The following TRIM36 variants were observed in gnomAD, a reference collection of about 807,000 sequenced individuals.
TRIM36 encodes the protein E3 ubiquitin-protein ligase TRIM36.
A neutral mutation model predicts 72.4 loss-of-function variants in TRIM36; 42 were observed. That is an observed-to-expected ratio of 0.58 (90% confidence interval 0.45 to 0.75). TRIM36 has a LOEUF of 0.75. Among genes scored for constraint, TRIM36 ranks in the 30% least tolerant of loss-of-function variants. The probability of loss-of-function intolerance (pLI) is 0.00; values close to 1 mark genes in which losing one functional copy is unlikely to be tolerated. For missense variants in TRIM36, 913 were observed against 857.1 expected (o/e 1.07, Z -0.81); for synonymous variants, 315 against 282.8 (o/e 1.11, Z -1.14).
At chr5:115,163,935 C>T (rs762567959) in intron 1 of TRIM36, among the ~76,000 whole-genome samples, 183 bp from the exon 2 acceptor site, 1 of 152,052 alleles carries the variant, frequency 6.6e-6, no homozygotes, top group South Asian at 2.1e-4. Flanking sequence ...ACACCCATAA[C>T]CCAGAACTGA....
chr5:115,171,100 C>T, upstream of TRIM36: 2 of 1,614,180 alleles, frequency 1.2e-6, no homozygotes, highest in Admixed American at 1.7e-5. Context: ...CGAGACATCT[C>T]GTTTAGGTTT....
At chr5:115,170,664 C>T (rs539019949), upstream of TRIM36, among the ~76,000 whole-genome samples, 2 of 152,354 alleles carry the variant, frequency 1.3e-5, no homozygotes, top group African/African-American at 4.8e-5. Context: ...GCGATGTCAC[C>T]GCACGTTCTT....
upstream of TRIM36, among the ~76,000 whole-genome samples, chr5:115,170,777 C>G (rs1176686652): frequency 6.6e-6 from 1 of 152,244 alleles, no homozygotes; most frequent in East Asian, 1.9e-4. Context: ...CCCCCCGCCA[C>G]CCGGGCCTAC....
chr5:115,174,643 C>T (rs1755256576), upstream of TRIM36, among the ~76,000 whole-genome samples: 1 of 152,188 alleles, frequency 6.6e-6, no homozygotes. Context: ...CCTCATCTTT[C>T]AAGTTGCACT....
chr5:115,170,406 C>T (rs1381847268), upstream of TRIM36, among the ~76,000 whole-genome samples: 1 of 152,182 alleles, frequency 6.6e-6, no homozygotes, highest in African/African-American at 2.4e-5. Flanking sequence ...CAGGACGGTG[C>T]GGGCGAGGGC....
At chr5:115,168,784 C>G (rs903207766) in intron 1 of TRIM36, among the ~76,000 whole-genome samples, 6 of 152,198 alleles carry the variant, frequency 3.9e-5, no homozygotes, top group Admixed American at 1.3e-4. Flanking sequence ...GCACCTAATT[C>G]AAAAGAAAAT....
At chr5:115,133,234 G>A (rs1024369084) in intron 8 of TRIM36, among the ~76,000 whole-genome samples, 2 of 152,078 alleles carry the variant, frequency 1.3e-5, no homozygotes, top group Admixed American at 6.5e-5. Flanking sequence ...GAACATCAAC[G>A]AACCTTTAAA....
Position 115,141,294 on chromosome 5 carries a change from T to C in TRIM36, c.816A>G (p.Leu272=). 2.5e-6 allele frequency: 4 copies of C among 1,600,022 alleles called. No homozygotes were observed. The highest frequency in any genetic ancestry group is 3.4e-6 in the Non-Finnish European group (4 of 1,175,712). ...VKSQISELNL[L]MKETECNGER... is the part of the protein sequence containing the mutation. ...TATCACTTACCTCTGTTTCTTTCAT[T>C]AACAAGTTTAGTTCAGATATTTGAC... is the stretch of plus-strand genomic sequence containing the variant. The change falls in exon 5 of 10, where the codon TTA becomes TTG. Residue 272 remains leucine (L), a synonymous_variant. Transcript: ENST00000513154.
chr5:115,171,426 AG>A (rs1300234297), upstream of TRIM36, among the ~76,000 whole-genome samples: 7 of 152,196 alleles, frequency 4.6e-5, no homozygotes, highest in Admixed American at 2.0e-4. Flanking sequence ...GGTTCTGAAA[AG>A]TGCTAATCAG....
intron 8 of TRIM36, 100 bp downstream of exon 8, chr5:115,133,760 G>A (rs1752810741): frequency 1.7e-6 from 2 of 1,196,956 alleles, no homozygotes; most frequent in Non-Finnish European, 2.2e-6. Flanking sequence ...AACAAGAGCT[G>A]GTTTCAGTGC....
At chr5:115,156,417 T>C (rs1016226889) in intron 2 of TRIM36, among the ~76,000 whole-genome samples, 1 of 152,118 alleles carries the variant, frequency 6.6e-6, no homozygotes, top group Admixed American at 6.5e-5. Context: ...TTTCAAACTA[T>C]ACTGTAAGGC....
At chr5:115,169,924 C>T (rs1271026085), upstream of TRIM36, 5 of 1,274,472 alleles carry the variant, frequency 3.9e-6, no homozygotes, top group Non-Finnish European at 4.0e-6. Flanking sequence ...GGAACGGCGC[C>T]GCGCAGAGAC....
chr5:115,150,127 T>G (rs1222116407), intron 2 of TRIM36, among the ~76,000 whole-genome samples: 1 of 152,208 alleles, frequency 6.6e-6, no homozygotes, highest in East Asian at 1.9e-4. Flanking sequence ...TTTCTTTCAT[T>G]GTTTTCATAA....
At chr5:115,166,842 G>A (rs901933082) in intron 1 of TRIM36, among the ~76,000 whole-genome samples, 2 of 152,118 alleles carry the variant, frequency 1.3e-5, no homozygotes, top group Admixed American at 6.5e-5. Flanking sequence ...AGTGCTTGTA[G>A]TGGGAGCCAC....
intron 5 of TRIM36, among the ~76,000 whole-genome samples, chr5:115,138,281 A>G (rs1276186537): frequency 6.6e-6 from 1 of 152,014 alleles, no homozygotes; most frequent in African/African-American, 2.4e-5. Flanking sequence ...CAATATTTTT[A>G]GTAGAGATGG....
chr5:115,137,982 T>C (rs1438734279), intron 5 of TRIM36, among the ~76,000 whole-genome samples: 2 of 152,194 alleles, frequency 1.3e-5, no homozygotes, highest in African/African-American at 4.8e-5. Flanking sequence ...TATAAAGGAA[T>C]ATGAAGGAGA....
At chr5:115,175,359 T>C (rs1755285679) in intron 1 of TRIM36, among the ~76,000 whole-genome samples, 1 of 152,190 alleles carries the variant, frequency 6.6e-6, no homozygotes, top group Non-Finnish European at 1.5e-5. Context: ...GAAACCTGCA[T>C]AAAAGATTCA....
chr5:115,172,505 G>A (rs548163878), upstream of TRIM36, among the ~76,000 whole-genome samples: 7 of 152,326 alleles, frequency 4.6e-5, no homozygotes, highest in African/African-American at 1.7e-4. Context: ...GGAGGCCGAG[G>A]CAGGTGGATC....
At chr5:115,146,051 T>C (rs1753578038) in intron 3 of TRIM36, among the ~76,000 whole-genome samples, 1 of 152,206 alleles carries the variant, frequency 6.6e-6, no homozygotes, top group South Asian at 2.1e-4. Flanking sequence ...ATCAATCTTT[T>C]ATTATATTTG....
Sources: allele counts gnomAD v4.1 joint callset (sites outside exome capture counted in the v4.1 genomes callset), GRCh38; gene constraint gnomAD v4.1.1; transcripts MANE v1.5; gene names NCBI Gene and HGNC (gene_info 2026-07-23, HGNC 2026-07-21).